The following SEC22A variants were observed in gnomAD, a reference collection of about 807,000 sequenced individuals.
SEC22A encodes SEC22 homolog A, vesicle trafficking protein.
A neutral mutation model predicts 35.3 loss-of-function variants in SEC22A; 22 were observed. The ratio of observed to expected loss-of-function variants is 0.62; its 90% CI spans 0.45 to 0.89. The LOEUF (loss-of-function observed/expected upper bound fraction) is 0.89. SEC22A is among the 40% of genes least tolerant of loss of function. The pLI, the probability that SEC22A is intolerant of heterozygous loss-of-function variation, is 0.00. For missense variants in SEC22A, 354 were observed against 362.5 expected (o/e 0.98, Z 0.19); for synonymous variants, 119 against 129.5 (o/e 0.92, Z 0.55).
chr3:123,233,269 T>G (rs1419177331), intron 4 of SEC22A, among the ~76,000 whole-genome samples: 1 of 152,246 alleles, frequency 6.6e-6, no homozygotes. Flanking sequence ...AATACTATTG[T>G]GTTACAGTAG....
intron 2 of SEC22A, 45 bp from the exon 3 acceptor site, chr3:123,223,514 T>C (rs1937166623): frequency 2.0e-6 from 3 of 1,507,516 alleles, no homozygotes; most frequent in African/African-American, 2.8e-5. Context: ...GTGAATTACC[T>C]TGATTTAATT....
At chr3:123,251,406 A>G (rs1325886557) in intron 5 of SEC22A, among the ~76,000 whole-genome samples, 2 of 152,116 alleles carry the variant, frequency 1.3e-5, no homozygotes. Context: ...TTACTCTAAC[A>G]TTTCTTACTT....
At chr3:123,212,751 G>C (rs1324243898) in intron 2 of SEC22A, among the ~76,000 whole-genome samples, 1 of 152,014 alleles carries the variant, frequency 6.6e-6, no homozygotes, top group Non-Finnish European at 1.5e-5. Context: ...CCAAGTAAGG[G>C]AGTCAAAAGA....
intron 2 of SEC22A, among the ~76,000 whole-genome samples, chr3:123,221,938 CTT>C (rs928606338): frequency 2.0e-5 from 3 of 151,938 alleles, no homozygotes; most frequent in Non-Finnish European, 2.9e-5. Flanking sequence ...TTGAGAGAAA[CTT>C]ATAAATACCA....
chr3:123,221,787 A>T (rs1170018543), intron 2 of SEC22A, among the ~76,000 whole-genome samples: 2 of 152,194 alleles, frequency 1.3e-5, no homozygotes, highest in African/African-American at 4.8e-5. Flanking sequence ...TCAAACTTAC[A>T]GAAAAGTTGT....
At chr3:123,215,441 T>C (rs1422956160) in intron 2 of SEC22A, among the ~76,000 whole-genome samples, 3 of 152,146 alleles carry the variant, frequency 2.0e-5, no homozygotes, top group African/African-American at 7.2e-5. Flanking sequence ...TTAATCATTG[T>C]AGTCAGAGGG....
intron 5 of SEC22A, among the ~76,000 whole-genome samples, chr3:123,246,404 G>C (rs1194379249): frequency 6.6e-6 from 1 of 152,188 alleles, no homozygotes; most frequent in African/African-American, 2.4e-5. Context: ...AGTTGAACTG[G>C]TCCTGGAAAG....
chr3:123,209,260 G>A lies in SEC22A; in HGVS notation c.43G>A (p.Gly15Arg). The A allele has an allele frequency of 6.2e-7, 1 of 1,614,046 alleles. No homozygotes were observed. Among genetic ancestry groups the A allele is most frequent in the Non-Finnish European group, 8.5e-7 (1 of 1,179,940 alleles). The stretch of plus-strand genomic sequence containing the variant: ...TGCCTCAGTCATTCGTGTCAGAGAT[G>A]GACTGCCACTTTCTGCTTCTACTGA... ...LSASVIRVRD[G>R]LPLSASTDYE... The change falls in exon 2 of 7, where the codon GGA becomes AGA. Residue 15 changes from glycine (G) to arginine (R), a missense_variant. Coordinates refer to ENST00000492595, the MANE Select transcript of SEC22A (RefSeq NM_012430.5).
chr3:123,241,030 C>CACACACACAT, intron 4 of SEC22A, among the ~76,000 whole-genome samples: 1 of 151,774 alleles, frequency 6.6e-6, no homozygotes, highest in African/African-American at 2.4e-5. Context: ...CACACACACA[C>CACACACACAT]ACACACACAC....
At chr3:123,218,680 TCTA>T (rs776066569) in intron 2 of SEC22A, among the ~76,000 whole-genome samples, 3 of 152,204 alleles carry the variant, frequency 2.0e-5, no homozygotes, top group Non-Finnish European at 4.4e-5. Flanking sequence ...CAAGTGAAGT[TCTA>T]CTCTCTTCTG....
chr3:123,256,917 G>C (rs1398403128), intron 5 of SEC22A, among the ~76,000 whole-genome samples: 1 of 151,642 alleles, frequency 6.6e-6, no homozygotes, highest in Non-Finnish European at 1.5e-5. Flanking sequence ...CCGCCACCAC[G>C]CCCGGCTAAT....
chr3:123,250,072 T>C (rs540659686), intron 5 of SEC22A, among the ~76,000 whole-genome samples: 1 of 152,282 alleles, frequency 6.6e-6, no homozygotes. Flanking sequence ...TCTTAAAAAG[T>C]CTATTTTAAA....
At chr3:123,239,820 CT>C (rs1937493901) in intron 4 of SEC22A, among the ~76,000 whole-genome samples, 1 of 152,092 alleles carries the variant, frequency 6.6e-6, no homozygotes, top group African/African-American at 2.4e-5. Flanking sequence ...TGTGCAGAAG[CT>C]CTTTAGTTTA....
intron 4 of SEC22A, chr3:123,243,863 A>G (rs1014200811): frequency 1.1e-4 from 16 of 152,204 alleles, no homozygotes; most frequent in African/African-American, 3.9e-4. Context: ...GAAACATTTA[A>G]TTTTGTTATC....
chr3:123,241,005 AC>A, intron 4 of SEC22A, among the ~76,000 whole-genome samples: 2 of 45,494 alleles, frequency 4.4e-5, no homozygotes, highest in Non-Finnish European at 2.0e-4. Context: ...TCTTTCTTAC[AC>A]ACACACACAC....
intron 6 of SEC22A, among the ~76,000 whole-genome samples, chr3:123,260,949 C>CAAG (rs1937881728): frequency 6.6e-6 from 1 of 151,750 alleles, no homozygotes; most frequent in South Asian, 2.1e-4. Flanking sequence ...CATTCTCCTG[C>CAAG]CTCAGCCTCC....
At chr3:123,246,190 T>C (rs1937564858) in intron 5 of SEC22A, among the ~76,000 whole-genome samples, 176 bp downstream of exon 5, 2 of 152,222 alleles carry the variant, frequency 1.3e-5, no homozygotes, top group South Asian at 4.1e-4. Flanking sequence ...TTTGATTCCA[T>C]TGGCACATGT....
At chr3:123,203,388 A>G (rs147231934) in intron 1 of SEC22A, among the ~76,000 whole-genome samples, 87 of 152,322 alleles carry the variant, frequency 5.7e-4, no homozygotes, top group Middle Eastern at 3.4e-3. Context: ...AGTAATCAAT[A>G]AATAATACAG....
intron 4 of SEC22A, among the ~76,000 whole-genome samples, chr3:123,233,675 C>T (rs1377693919): frequency 2.0e-5 from 3 of 150,922 alleles, no homozygotes; most frequent in African/African-American, 7.3e-5. Context: ...ACTCAACAAA[C>T]TAGGAATAGA....
Sources: allele counts gnomAD v4.1 joint callset (sites outside exome capture counted in the v4.1 genomes callset), GRCh38; gene constraint gnomAD v4.1.1; transcripts MANE v1.5; gene names NCBI Gene and HGNC (gene_info 2026-07-23, HGNC 2026-07-21).